The following FBXW7 variants were observed in gnomAD, a reference collection of about 807,000 sequenced individuals.
FBXW7 encodes the protein F-box and WD repeat domain containing 7.
FBXW7 carries 11 observed loss-of-function variants against 86.3 expected under a neutral mutation model. That is an observed-to-expected ratio of 0.13 (90% confidence interval 0.08 to 0.21). The LOEUF (loss-of-function observed/expected upper bound fraction) is 0.21, where lower values mean the gene tolerates loss of function less well. Ranked by LOEUF, FBXW7 falls within the 10% of genes least tolerant of loss-of-function variation. The probability of loss-of-function intolerance (pLI) is 1.00; values close to 1 mark genes in which losing one functional copy is unlikely to be tolerated. For missense variants in FBXW7, 488 were observed against 847.4 expected, an observed-to-expected ratio of 0.58 and a Z score of 5.27; for synonymous variants, 313 against 297.9, an observed-to-expected ratio of 1.05 and a Z score of -0.52.
chr4:152,469,096 A>C (rs1352290036), intron 2 of FBXW7, among the ~76,000 whole-genome samples: 9 of 152,238 alleles, frequency 5.9e-5, no homozygotes, highest in African/African-American at 1.4e-4. Flanking sequence ...CAAACACATT[A>C]AAAAGTATAA....
intron 2 of FBXW7, among the ~76,000 whole-genome samples, chr4:152,513,104 C>CTCA (rs1748136026): frequency 6.6e-6 from 1 of 152,106 alleles, no homozygotes. Flanking sequence ...TCAGGTGATC[C>CTCA]GCTCACCTCA....
chr4:152,363,079 ATTTG>A (rs140437270), intron 4 of FBXW7, among the ~76,000 whole-genome samples: 2,101 of 152,232 alleles, frequency 0.014, 26 homozygotes, highest in Middle Eastern at 0.037. Flanking sequence ...GATTCACAAT[ATTTG>A]TTTATCATTT....
chr4:152,342,569 TAGAC>T (rs1415852988), intron 6 of FBXW7, among the ~76,000 whole-genome samples: 3 of 152,204 alleles, frequency 2.0e-5, no homozygotes, highest in African/African-American at 4.8e-5. Flanking sequence ...CTCAATTAGA[TAGAC>T]TGTTTTATGA....
chr4:152,382,941 C>T (rs1735221612), intron 4 of FBXW7, among the ~76,000 whole-genome samples: 1 of 151,994 alleles, frequency 6.6e-6, no homozygotes, highest in Non-Finnish European at 1.5e-5. Flanking sequence ...ATAATGAGCA[C>T]TATTTTCAAG....
chr4:152,450,648 G>T (rs567329573), intron 2 of FBXW7, among the ~76,000 whole-genome samples: 1 of 152,150 alleles, frequency 6.6e-6, no homozygotes, highest in Non-Finnish European at 1.5e-5. Flanking sequence ...TTAAAACCTG[G>T]TAGGATTTGT....
At chr4:152,345,198 G>A (rs1433328179) in intron 6 of FBXW7, among the ~76,000 whole-genome samples, 1 of 151,944 alleles carries the variant, frequency 6.6e-6, no homozygotes, top group Non-Finnish European at 1.5e-5. Flanking sequence ...CTTTTAAAAG[G>A]ATGGGACAAA....
chr4:152,350,372 A>T (rs1377880012), intron 4 of FBXW7, among the ~76,000 whole-genome samples: 3 of 151,622 alleles, frequency 2.0e-5, no homozygotes, highest in Non-Finnish European at 4.4e-5. Context: ...TTGAAAACTG[A>T]TATTCATTAT....
chr4:152,372,760 T>C (rs1224681988), intron 4 of FBXW7, among the ~76,000 whole-genome samples: 1 of 152,038 alleles, frequency 6.6e-6, no homozygotes, highest in Non-Finnish European at 1.5e-5. Context: ...TTAAATAGCC[T>C]TGCCCTTTGA....
In FBXW7 at chr4:152,535,270, G is replaced by T. The variant is rs944512538; in HGVS notation, c.-356C>A. The T allele has an allele frequency of 2.3e-5, 6 of 261,680 alleles. No individual in the cohort carries two copies. The highest frequency in any genetic ancestry group is 1.3e-4 in the African/African-American group (6 of 45,178). The allele number at this position is 261,680 out of a possible 1,614,324, so 16.2% of individuals were successfully genotyped here. On this transcript the variant is annotated 5_prime_UTR_variant, in exon 1 of 14. Transcript: ENST00000281708. ...GGGTGGAGGCTGCGGCCGGCCCCCC[G>T]GGTCCCCCCCGGCCCCGCCGCCCTC...
At chr4:152,464,870 G>C (rs1743263276) in intron 2 of FBXW7, among the ~76,000 whole-genome samples, 1 of 152,136 alleles carries the variant, frequency 6.6e-6, no homozygotes. Flanking sequence ...TGTGATTACT[G>C]CAATAACTTT....
intron 2 of FBXW7, among the ~76,000 whole-genome samples, chr4:152,504,838 G>A (rs927934685): frequency 4.6e-5 from 7 of 152,042 alleles, no homozygotes; most frequent in Non-Finnish European, 8.8e-5. Flanking sequence ...AAATTATGTT[G>A]AAATGGTAAT....
At chr4:152,434,173 G>A (rs1158439210) in intron 2 of FBXW7, among the ~76,000 whole-genome samples, 1 of 152,142 alleles carries the variant, frequency 6.6e-6, no homozygotes, top group African/African-American at 2.4e-5. Context: ...GATACTGAGG[G>A]ATGCCTATAT....
At chr4:152,456,950 A>C (rs535801107) in intron 2 of FBXW7, among the ~76,000 whole-genome samples, 7 of 152,372 alleles carry the variant, frequency 4.6e-5, no homozygotes, top group African/African-American at 1.4e-4. Flanking sequence ...AATAACTGTT[A>C]ATAACCCAAT....
chr4:152,521,809 A>ATTTTTTTT (rs575881137), intron 2 of FBXW7, among the ~76,000 whole-genome samples: 1 of 100,694 alleles, frequency 9.9e-6, no homozygotes, highest in Non-Finnish European at 1.9e-5. Context: ...TAAGGGTCCA[A>ATTTTTTTT]TTTTTTTTTT....
chr4:152,534,311 T>G (rs1255412625), intron 2 of FBXW7, among the ~76,000 whole-genome samples: 1 of 151,852 alleles, frequency 6.6e-6, no homozygotes, highest in Non-Finnish European at 1.5e-5. Flanking sequence ...ATAAAATGAT[T>G]AATGTGATAA....
intron 4 of FBXW7, among the ~76,000 whole-genome samples, chr4:152,397,465 A>G (rs886311298): frequency 6.6e-6 from 1 of 151,802 alleles, no homozygotes; most frequent in Non-Finnish European, 1.5e-5. Context: ...CCGAGGCTAG[A>G]GTACTGTAGT....
intron 2 of FBXW7, among the ~76,000 whole-genome samples, chr4:152,450,029 A>T (rs1429257027): frequency 6.6e-6 from 1 of 152,250 alleles, no homozygotes; most frequent in Non-Finnish European, 1.5e-5. Context: ...TGTCTGTGAC[A>T]CTGAAAGGTT....
intron 2 of FBXW7, among the ~76,000 whole-genome samples, chr4:152,492,220 G>A (rs1300901482): frequency 6.6e-6 from 1 of 152,136 alleles, no homozygotes; most frequent in Non-Finnish European, 1.5e-5. Flanking sequence ...TTGCCATTCT[G>A]TAGTTCTTTT....
intron 11 of FBXW7, among the ~76,000 whole-genome samples, chr4:152,327,363 A>C (rs1729138273): frequency 6.8e-6 from 1 of 147,982 alleles, no homozygotes. Context: ...AAGATGCGAT[A>C]GACAGAATTA....
Sources: gnomAD v4.1 joint callset for allele counts (sites outside exome capture counted in the v4.1 genomes callset) on GRCh38, gnomAD v4.1.1 for gene constraint, MANE v1.5 for transcripts, NCBI Gene and HGNC (gene_info 2026-07-23, HGNC 2026-07-21) for gene names.